Variants in DEPDC1B observed in about 807,000 individuals in gnomAD.
DEPDC1B encodes DEP domain-containing protein 1B.
A neutral mutation model predicts 66.5 loss-of-function variants in DEPDC1B; 51 were observed. That is an observed-to-expected ratio of 0.77 (90% CI 0.61 to 0.97). The LOEUF is 0.97. DEPDC1B is among the 50% of genes least tolerant of loss of function. The pLI is 0.00. For missense variants in DEPDC1B, 552 were observed against 637.1 expected (o/e 0.87, Z 1.44); for synonymous variants, 226 against 223.6 (o/e 1.01, Z -0.10).
Position 60,599,258 on chromosome 5 carries a change from T to C in DEPDC1B, c.1245A>G (p.Ile415Met), listed in dbSNP as rs2111695747. The C allele has an allele frequency of 1.3e-6, 2 of 1,591,870 alleles. No individual in the cohort carries two copies. Among genetic ancestry groups the C allele is most frequent in the South Asian group, 1.2e-5 (1 of 86,310 alleles). The change falls in exon 10 of 11, where the codon ATA becomes ATG. Residue 415 changes from isoleucine to methionine, a missense_variant and splice_region_variant. Physicochemically the swap from Ile to Met is conservative, Grantham distance 10. Transcript: ENST00000265036. The stretch of plus-strand genomic sequence containing the variant: ...TATCCATATCAGCTCCTGGGTATTT[T>C]ATCTGAGGCAAAAGGATTAGTAGTG... ...ERVAHLRRVQ[I>M]KYPGADMDIT...
chr5:60,641,175 GA>G (rs2111862441), intron 6 of DEPDC1B, among the ~76,000 whole-genome samples: 1 of 152,252 alleles, frequency 6.6e-6, no homozygotes, highest in African/African-American at 2.4e-5. Context: ...GCTTTCTGCA[GA>G]AATTTTTTGG....
At chr5:60,602,687 CTGACA>C (rs1294682122) in intron 9 of DEPDC1B, among the ~76,000 whole-genome samples, 1 of 152,088 alleles carries the variant, frequency 6.6e-6, no homozygotes, top group African/African-American at 2.4e-5. Flanking sequence ...CAAAGAATAC[CTGACA>C]TATGTCAGAA....
chr5:60,640,153 T>C (rs1353109941), intron 6 of DEPDC1B, among the ~76,000 whole-genome samples: 3 of 152,200 alleles, frequency 2.0e-5, no homozygotes, highest in Admixed American at 1.3e-4. Flanking sequence ...TTGTGAAATA[T>C]CTATGTGTGT....
At chr5:60,634,680 AAATAAAT>A (rs1753002277) in intron 7 of DEPDC1B, among the ~76,000 whole-genome samples, 1 of 146,066 alleles carries the variant, frequency 6.8e-6, no homozygotes, top group East Asian at 2.0e-4. Flanking sequence ...TCAAAAAAAT[AAATAAAT>A]AAATAAATAA....
intron 2 of DEPDC1B, among the ~76,000 whole-genome samples, chr5:60,671,907 G>A (rs2111987257): frequency 1.3e-5 from 2 of 152,284 alleles, no homozygotes; most frequent in South Asian, 4.1e-4. Context: ...TTGCCCTCAA[G>A]AAACTTAGAG....
chr5:60,684,655 G>C (rs1754372405), intron 2 of DEPDC1B, among the ~76,000 whole-genome samples: 1 of 152,138 alleles, frequency 6.6e-6, no homozygotes. Flanking sequence ...GAAAACAGGG[G>C]AAATGTTTCA....
At chr5:60,601,263 T>C (rs747670207) in intron 9 of DEPDC1B, among the ~76,000 whole-genome samples, 8 of 152,230 alleles carry the variant, frequency 5.3e-5, no homozygotes, top group Non-Finnish European at 1.2e-4. Context: ...TTTCTGTTCA[T>C]TTTTATTTTC....
At chr5:60,655,931 T>C (rs1753564427) in intron 2 of DEPDC1B, among the ~76,000 whole-genome samples, 2 of 148,890 alleles carry the variant, frequency 1.3e-5, no homozygotes, top group African/African-American at 5.1e-5. Context: ...GCTTTGAGGG[T>C]TCCTTTTGGA....
chr5:60,623,386 T>G (rs768133751), intron 7 of DEPDC1B, among the ~76,000 whole-genome samples: 1 of 152,138 alleles, frequency 6.6e-6, no homozygotes, highest in African/African-American at 2.4e-5. Context: ...ACAGGAAGAC[T>G]TTACAGTAAG....
chr5:60,629,952 T>C (rs1030805274), intron 7 of DEPDC1B, among the ~76,000 whole-genome samples: 3 of 152,232 alleles, frequency 2.0e-5, no homozygotes, highest in African/African-American at 4.8e-5. Context: ...ACTCACTTTA[T>C]TGGCAGAATC....
At chr5:60,600,997 G>A (rs1752189600) in intron 9 of DEPDC1B, among the ~76,000 whole-genome samples, 1 of 152,314 alleles carries the variant, frequency 6.6e-6, no homozygotes, top group South Asian at 2.1e-4. Flanking sequence ...GTTCTCATGA[G>A]ATCTGATGGT....
At chr5:60,669,710 C>T (rs139655377) in intron 2 of DEPDC1B, among the ~76,000 whole-genome samples, 2 of 152,198 alleles carry the variant, frequency 1.3e-5, no homozygotes, top group Non-Finnish European at 2.9e-5. Context: ...CTAAGGAAGG[C>T]TTTAAAATCC....
intron 9 of DEPDC1B, among the ~76,000 whole-genome samples, chr5:60,602,072 T>A (rs1447366893): frequency 6.8e-6 from 1 of 147,990 alleles, no homozygotes; most frequent in Non-Finnish European, 1.5e-5. Context: ...GATGGGGGAA[T>A]TTTTTTCTCA....
At chr5:60,638,624 A>T in intron 7 of DEPDC1B, 126 bp downstream of exon 7, 1 of 985,644 alleles carries the variant, frequency 1.0e-6, no homozygotes, top group Non-Finnish European at 1.4e-6. Flanking sequence ...TAGCTATGCC[A>T]AATACTCTAT....
rs185095955 is a variant in DEPDC1B at position 60,616,353 on chromosome 5, G to A, written c.899-10497C>T. ...ATGATCAAACTACTCTGAGGTAAAG[G>A]AGGAAGTTCGAACCCATGGCAAAGA... On this transcript the variant is annotated intron_variant, in intron 7 of 10. Coordinates refer to ENST00000265036, the MANE Select transcript of DEPDC1B (RefSeq NM_018369.3). 6.1e-3 allele frequency among the ~76,000 whole-genome samples: 935 copies of A among 152,256 alleles called. 5 individuals carry two copies. Among genetic ancestry groups the A allele is most frequent in the Non-Finnish European group, 9.1e-3 (619 of 68,028 alleles).
intron 3 of DEPDC1B, among the ~76,000 whole-genome samples, chr5:60,646,888 A>T (rs34414908): frequency 3.9e-5 from 6 of 152,038 alleles, no homozygotes; most frequent in African/African-American, 1.5e-4. Flanking sequence ...GCTCCTTATG[A>T]GAATCTAATG....
At chr5:60,638,124 T>C (rs1023595047) in intron 7 of DEPDC1B, among the ~76,000 whole-genome samples, 2 of 152,124 alleles carry the variant, frequency 1.3e-5, no homozygotes, top group African/African-American at 4.8e-5. Flanking sequence ...TAATGAACAA[T>C]TACAAGAACA....
chr5:60,653,488 A>G (rs1352685984), intron 2 of DEPDC1B, among the ~76,000 whole-genome samples: 1 of 152,152 alleles, frequency 6.6e-6, no homozygotes, highest in Non-Finnish European at 1.5e-5. Context: ...TTCCTCGTAC[A>G]TTGTGGATAT....
At chr5:60,641,840 A>T (rs910726756) in intron 6 of DEPDC1B, among the ~76,000 whole-genome samples, 1 of 152,166 alleles carries the variant, frequency 6.6e-6, no homozygotes, top group African/African-American at 2.4e-5. Context: ...CCAAAAACCA[A>T]TGAAAATGTT....
Sources: allele counts gnomAD v4.1 joint callset (sites outside exome capture counted in the v4.1 genomes callset), GRCh38; gene constraint gnomAD v4.1.1; transcripts MANE v1.5; gene names NCBI Gene and HGNC (gene_info 2026-07-23, HGNC 2026-07-21).